CR1: variants seen among roughly 807,000 people sequenced by gnomAD.
CR1 encodes complement receptor type 1.
In CR1, 116 loss-of-function variants were observed where a neutral mutation model predicts 187.3. The ratio of observed to expected loss-of-function variants is 0.62; its 90% confidence interval spans 0.53 to 0.72. The LOEUF (loss-of-function observed/expected upper bound fraction) is 0.72. CR1 is among the 30% of genes least tolerant of loss of function. The pLI is 0.00. For missense variants in CR1, 1,731 were observed against 2,110.7 expected (o/e 0.82, Z 3.52); for synonymous variants, 576 against 747.1 (o/e 0.77, Z 3.73).
rs1300473967 is a variant in CR1 at position 207,589,994 on chromosome 1, G to A, written c.5810+1220G>A. Among the ~76,000 whole-genome samples the A allele has an allele frequency of 8.7e-5, 13 of 150,248 alleles. 1 individual carries two copies. The highest frequency in any genetic ancestry group is 6.3e-3 in the Middle Eastern group (2 of 316). Reference sequence around the variant, plus strand: ...AAACCTACGTTTGATTGGTGTACCTGAAAGTGACGGGGAGAATGGAACCAA... The same window carrying A: ...AAACCTACGTTTGATTGGTGTACCTAAAAGTGACGGGGAGAATGGAACCAA... On this transcript the variant is annotated intron_variant, in intron 35 of 46. Coordinates refer to ENST00000367049, the MANE Select transcript of CR1 (RefSeq NM_000651.6).
At position 207,506,009 on chromosome 1, in the gene CR1, G is replaced by A; in HGVS notation, c.227G>A (p.Gly76Asp). 1.2e-6 allele frequency: 2 copies of A among 1,613,934 alleles called. No individual in the cohort carries two copies. The highest frequency in any genetic ancestry group is 1.7e-6 in the Non-Finnish European group (2 of 1,179,868). The change falls in exon 2 of 47, where the codon GGT becomes GAT. Residue 76 changes from glycine (G) to aspartate (D), a missense_variant. By Grantham distance (94) the Gly-to-Asp change is moderately conservative. This residue lies in a region of CR1 where 237 missense variants were observed against 240.4 expected (regional missense o/e 0.99). Transcript: ENST00000367049. ...TATCTGAACTATGAATGCCGCCCTGGTTATTCCGGAAGACCGTTTTCTATC... is the reference window on the plus strand; with the variant it reads ...TATCTGAACTATGAATGCCGCCCTGATTATTCCGGAAGACCGTTTTCTATC... ...GTYLNYECRPGYSGRPFSIIC... is the reference protein window; with the variant it reads ...GTYLNYECRPDYSGRPFSIIC...
At position 207,618,121 on chromosome 1, in the gene CR1, G is replaced by A. The variant is rs752517997; in HGVS notation, c.6940G>A (p.Val2314Ile). The change falls in exon 42 of 47, where the codon GTA becomes ATA. Residue 2314 changes from valine (V) to isoleucine (I), a missense_variant. By Grantham distance (29) the Val-to-Ile change is conservative (BLOSUM62 3). Around this residue, in one of 5 missense-constraint regions of CR1, gnomAD observed 1,312 missense variants for 1,379.6 expected, o/e 0.95. Transcript: ENST00000367049. ...IQNGHYIGGH[V>I]SLYLPGMTIS... ...AAACGGGCATTACATTGGAGGACAC[G>A]TATCTCTATATCTTCCTGGGATGAC... is the stretch of plus-strand genomic sequence containing the variant. 16 of 1,613,776 alleles carry A rather than the reference G, an allele frequency of 9.9e-6. No homozygotes were observed. In the East Asian group the frequency reaches 2.2e-4, roughly 22 times the overall value.
At chr1:207,504,747 T>G (rs1304014890) in intron 1 of CR1, among the ~76,000 whole-genome samples, 1 of 152,218 alleles carries the variant, frequency 6.6e-6, no homozygotes, top group Non-Finnish European at 1.5e-5. Flanking sequence ...AGAGACTTTT[T>G]GAATGGATGG....
chr1:207,633,686 C>T (rs1662721020), intron 46 of CR1, among the ~76,000 whole-genome samples: 1 of 152,202 alleles, frequency 6.6e-6, no homozygotes, highest in African/African-American at 2.4e-5. Context: ...TCCCCAATCT[C>T]TGAGTATAAT....
chr1:207,567,009 G>A (rs1660521250), intron 24 of CR1, among the ~76,000 whole-genome samples: 1 of 150,242 alleles, frequency 6.7e-6, no homozygotes, highest in Non-Finnish European at 1.5e-5. Flanking sequence ...CTACTATCAT[G>A]AATGAAAGCT....
At chr1:207,504,370 T>C (rs574075282) in intron 1 of CR1, among the ~76,000 whole-genome samples, 1 of 152,274 alleles carries the variant, frequency 6.6e-6, no homozygotes, top group Admixed American at 6.5e-5. Context: ...TAAAGAAGGT[T>C]GCTCTACCAT....
intron 28 of CR1, among the ~76,000 whole-genome samples, chr1:207,577,379 A>G (rs1660785094): frequency 6.6e-6 from 1 of 152,238 alleles, no homozygotes; most frequent in Non-Finnish European, 1.5e-5. Context: ...TCTGTACATT[A>G]GCAAATATTA....
At chr1:207,581,239 T>C (rs966732744) in intron 31 of CR1, among the ~76,000 whole-genome samples, 8 of 150,608 alleles carry the variant, frequency 5.3e-5, no homozygotes, top group African/African-American at 2.0e-4. Flanking sequence ...TGTAGACGTA[T>C]ACATATGGAC....
intron 32 of CR1, among the ~76,000 whole-genome samples, chr1:207,584,086 C>T (rs947189377): frequency 7.9e-5 from 12 of 152,090 alleles, no homozygotes; most frequent in Middle Eastern, 3.2e-3. Context: ...TACAGGAGTA[C>T]ATAGCATTTT....
intron 43 of CR1, among the ~76,000 whole-genome samples, chr1:207,621,652 G>C (rs949812795): frequency 6.6e-5 from 10 of 152,074 alleles, no homozygotes; most frequent in Non-Finnish European, 1.5e-4. Flanking sequence ...ATAATTATGT[G>C]AAAACACACA....
Position 207,611,760 on chromosome 1 carries a change from T to C in CR1, c.6379T>C (p.Tyr2127His). The change falls in exon 38 of 47, where the codon TAC becomes CAC. Residue 2127 changes from tyrosine to histidine, a missense_variant. Tyr to His is a moderately conservative substitution (Grantham distance 83). Coordinates refer to ENST00000367049, the MANE Select transcript of CR1 (RefSeq NM_000651.6). ...DNFSPGQEVFYSCEPSYDLRG... is the reference protein window; with the variant it reads ...DNFSPGQEVFHSCEPSYDLRG... ...CTTTTCACCTGGGCAGGAAGTGTTC[T>C]ACAGCTGTGAGCCCAGCTATGACCT... 6.2e-7 allele frequency: 1 copy of C among 1,613,998 alleles called. No homozygotes were observed. The highest frequency in any genetic ancestry group is 8.5e-7 in the Non-Finnish European group (1 of 1,179,892).
At chr1:207,627,042 A>T (rs983450007) in intron 45 of CR1, among the ~76,000 whole-genome samples, 2 of 152,132 alleles carry the variant, frequency 1.3e-5, no homozygotes, top group Non-Finnish European at 1.5e-5. Flanking sequence ...CCATCTGAAA[A>T]ACATAAATAA....
chr1:207,600,194 C>T (rs1047952517), intron 35 of CR1, among the ~76,000 whole-genome samples: 16 of 152,162 alleles, frequency 1.1e-4, no homozygotes, highest in Non-Finnish European at 2.2e-4. Flanking sequence ...GGGTGACAAT[C>T]TCCGGTTAGA....
chr1:207,584,779 C>A lies in CR1; in HGVS notation c.5433C>A (p.Asn1811Lys), dbSNP rs1377622516. The A allele has an allele frequency of 1.9e-6, 3 of 1,613,984 alleles. No individual in the cohort carries two copies. Among genetic ancestry groups the A allele is most frequent in the South Asian group, 1.1e-5 (1 of 91,070 alleles). Residue 1811 changes from asparagine to lysine, a missense_variant, in exon 33 of 47, where the codon AAC becomes AAA. Asn to Lys is a moderately conservative substitution (Grantham distance 94, BLOSUM62 0). Coordinates refer to ENST00000367049, the MANE Select transcript of CR1 (RefSeq NM_000651.6). ...ACCCAGACAGAGGGATGACCTTCAACCTCATTGGGGAGAGCACCATCCGCT... is the reference window on the plus strand; with the variant it reads ...ACCCAGACAGAGGGATGACCTTCAAACTCATTGGGGAGAGCACCATCCGCT... ...DPHPDRGMTF[N>K]LIGESTIRCT...
chr1:207,577,639 G>T (rs1224765095), intron 28 of CR1, among the ~76,000 whole-genome samples, 166 bp from the exon 29 acceptor site: 1 of 152,140 alleles, frequency 6.6e-6, no homozygotes, highest in African/African-American at 2.4e-5. Context: ...ACATGGTGGT[G>T]CATGCCTGTG....
rs1661841268 is a variant in CR1, at chr1:207,609,315, C to T, written c.5922C>T (p.Thr1974=). The T allele has an allele frequency of 1.9e-6, 3 of 1,613,498 alleles. No homozygotes were observed. Among genetic ancestry groups the T allele is most frequent in the Non-Finnish European group, 1.7e-6 (2 of 1,179,560 alleles). ...CEIISCEPPP[T]ISNGDFYSNN... Reference sequence around the variant, plus strand: ...TCATATCTTGTGAGCCACCTCCAACCATATCCAATGGAGACTTCTACAGCA... The same window carrying T: ...TCATATCTTGTGAGCCACCTCCAACTATATCCAATGGAGACTTCTACAGCA... Residue 1974 remains threonine (T), a synonymous_variant, in exon 37 of 47, where the codon ACC becomes ACT. Coordinates refer to ENST00000367049, the MANE Select transcript of CR1 (RefSeq NM_000651.6).
chr1:207,587,532 T>G lies in CR1; in HGVS notation c.5677T>G (p.Leu1893Val). Residue 1893 changes from leucine to valine, a missense_variant, in exon 34 of 47, where the codon TTG becomes GTG. By Grantham distance (32) the Leu-to-Val change is conservative. Around this residue, in one of 5 missense-constraint regions of CR1, gnomAD observed 1,312 missense variants for 1,379.6 expected, o/e 0.95. Transcript: ENST00000367049. Reference sequence around the variant, plus strand: ...GTTCTCTATCTCCTGCCTAGAAAACTTGGTCTGGTCAAGTGTTGAAGACAA... The same window carrying G: ...GTTCTCTATCTCCTGCCTAGAAAACGTGGTCTGGTCAAGTGTTGAAGACAA... ...KMFSISCLEN[L>V]VWSSVEDNCR... 6.2e-7 allele frequency: 1 copy of G among 1,613,930 alleles called. No individual in the cohort carries two copies. Among genetic ancestry groups the G allele is most frequent in the Non-Finnish European group, 8.5e-7 (1 of 1,179,816 alleles).
chr1:207,570,268 G>GT (rs1285492092), intron 27 of CR1: 3 of 246,772 alleles, frequency 1.2e-5, no homozygotes, highest in Non-Finnish European at 2.0e-5. Flanking sequence ...GGAAGACCAT[G>GT]TAGCAGCTGT....
intron 2 of CR1, 62 bp downstream of exon 2, chr1:207,506,145 T>C (rs905096080): frequency 6.4e-7 from 1 of 1,568,934 alleles, no homozygotes; most frequent in African/African-American, 1.4e-5. Context: ...CTGATTCAAT[T>C]TGTTCAAATT....
Sources: allele counts gnomAD v4.1 joint callset (sites outside exome capture counted in the v4.1 genomes callset), GRCh38; gene constraint gnomAD v4.1.1; regional missense constraint gnomAD v4.1.1; transcripts MANE v1.5; gene names NCBI Gene and HGNC (gene_info 2026-07-23, HGNC 2026-07-21).